Variants in RBCK1 observed in about 807,000 individuals in gnomAD.
RBCK1 encodes ranBP-type and C3HC4-type zinc finger-containing protein 1.
RBCK1 carries 44 observed loss-of-function variants against 71.1 expected under a neutral mutation model. The ratio of observed to expected loss-of-function variants is 0.62; its 90% CI spans 0.49 to 0.80. RBCK1 has a LOEUF of 0.80. RBCK1 is among the 30% of genes least tolerant of loss of function. RBCK1 has a pLI of 0.00. For missense variants in RBCK1, 569 were observed against 685.0 expected, an observed-to-expected ratio of 0.83 and a Z score of 1.89; for synonymous variants, 306 against 279.7, an observed-to-expected ratio of 1.09 and a Z score of -0.94.
At chr20:420,186 T>G in intron 6 of RBCK1, 1 of 985,134 alleles carries the variant, frequency 1.0e-6, no homozygotes, top group African/African-American at 1.7e-5. Flanking sequence ...CTCTTCCCTC[T>G]CGGGCTGGGC....
chr20:426,022 A>G (rs1384230083), intron 8 of RBCK1, among the ~76,000 whole-genome samples: 2 of 152,342 alleles, frequency 1.3e-5, no homozygotes, highest in Admixed American at 1.3e-4. Flanking sequence ...CGTTATTGCC[A>G]CATTGCTTTC....
Position 431,893 on chromosome 20 carries a change from G to A in RBCK1, c.*1463G>A, listed in dbSNP as rs560653126. On this transcript the variant is annotated 3_prime_UTR_variant, in exon 12 of 12. Coordinates refer to ENST00000356286, the MANE Select transcript of RBCK1 (RefSeq NM_031229.4). This position sits in a 1 kb window ranked among gnomAD's most constrained non-coding sequence, Gnocchi z 4.8. ...AGCAGAGGAGAGCCAGGCTGCAGGC[G>A]TGTGGATGGGACCAGCTCAGGCAGA... Among the ~76,000 whole-genome samples, 21 of 152,188 alleles carry A rather than the reference G, an allele frequency of 1.4e-4. No individual in the cohort carries two copies. Among genetic ancestry groups the A allele is most frequent in the Non-Finnish European group, 2.9e-4 (20 of 68,018 alleles).
At chr20:423,304 T>A (rs6115931) in intron 8 of RBCK1, among the ~76,000 whole-genome samples, 2,035 of 151,314 alleles carry the variant, frequency 0.013, 42 homozygotes, top group African/African-American at 0.046. Flanking sequence ...CGTCTGAAAA[T>A]ATATATATAT....
chr20:421,103 G>A, intron 7 of RBCK1, 72 bp downstream of exon 7: 1 of 1,454,820 alleles, frequency 6.9e-7, no homozygotes, highest in Non-Finnish European at 9.1e-7. Flanking sequence ...CTGGACGTGG[G>A]TGGGGCCCTG....
intron 2 of RBCK1, among the ~76,000 whole-genome samples, chr20:411,911 A>G (rs549551276): frequency 2.6e-5 from 4 of 152,250 alleles, no homozygotes; most frequent in South Asian, 4.2e-4. Flanking sequence ...GGGTGTTTCT[A>G]TTTTTTGGCT....
Position 430,463 on chromosome 20 carries a change from C to T in RBCK1, c.*33C>T. ...ATGGTGGGGCCACATGCTGACCCAG[C>T]CCCACATCCACATTCTGTTAGAATG... On this transcript the variant is annotated 3_prime_UTR_variant, in exon 12 of 12. Coordinates refer to ENST00000356286, the MANE Select transcript of RBCK1 (RefSeq NM_031229.4). The surrounding 1 kb of genome is among the most constrained non-coding windows in gnomAD (Gnocchi z 5.6). 6.4e-7 allele frequency: 1 copy of T among 1,558,308 alleles called. No homozygotes were observed. The highest frequency in any genetic ancestry group is 8.9e-7 in the Non-Finnish European group (1 of 1,129,450).
At position 428,352 on chromosome 20, in the gene RBCK1, C is replaced by T. The variant is rs188651695; in HGVS notation, c.1210-139C>T. On this transcript the variant is annotated intron_variant, in intron 9 of 11. Transcript: ENST00000356286. The surrounding 1 kb of genome is among the most constrained non-coding windows in gnomAD (Gnocchi z 5.7). ...ATCCTCTTCTGTAAAATGGCTTATG[C>T]ATTACAAAGTGAGGTCCTGCCAGTG... The T allele has an allele frequency of 3.3e-3, 1,868 of 563,894 alleles. 6 individuals carry two copies. Among genetic ancestry groups the T allele is most frequent in the Non-Finnish European group, 3.5e-3 (1,091 of 315,348 alleles). The allele number at this position is 563,894 out of a possible 1,614,324, so 34.9% of individuals were successfully genotyped here.
intron 6 of RBCK1, chr20:420,377 C>T (rs2016314348): frequency 2.0e-6 from 2 of 984,712 alleles, no homozygotes; most frequent in Middle Eastern, 5.2e-4. Context: ...CACCTGCATT[C>T]CCCTTGGACC....
rs2016802208 is a variant in RBCK1 at position 427,610 on chromosome 20, T to TA, written c.1209+119dup. ...TGACACTGGCCTGCTGGTCATGACT[T>TA]AGAGCTACATGTCAGTGGGAGAGTG... On this transcript the variant is annotated intron_variant, in intron 9 of 11. Transcript: ENST00000356286. 4 of 1,095,832 alleles carry TA rather than the reference T, an allele frequency of 3.7e-6. No homozygotes were observed. In the Admixed American group the frequency reaches 8.3e-5, roughly 23 times the overall value. 67.9% of individuals were successfully genotyped at this position (1,095,832 alleles called of 1,614,324 possible).
At position 417,827 on chromosome 20, in the gene RBCK1, G is replaced by A; in HGVS notation, c.357G>A (p.Val119=). Residue 119 remains valine (V), a synonymous_variant, in exon 4 of 12, where the codon GTG becomes GTA. Coordinates refer to ENST00000356286, the MANE Select transcript of RBCK1 (RefSeq NM_031229.4). The surrounding 1 kb of genome is among the most constrained non-coding windows in gnomAD (Gnocchi z 4.7). The part of the protein sequence containing the change: ...RDQETLHSHG[V]RQNGDSAYLY... ...AGGAGACCCTGCACTCCCATGGGGT[G>A]CGGCAGAATGGGGACAGTGCCTACC... 6.2e-7 allele frequency: 1 copy of A among 1,614,064 alleles called. No individual in the cohort carries two copies. The highest frequency in any genetic ancestry group is 1.1e-5 in the South Asian group (1 of 91,078).
intron 6 of RBCK1, chr20:420,416 G>T: frequency 3.0e-6 from 3 of 984,046 alleles, no homozygotes; most frequent in Non-Finnish European, 3.6e-6. Context: ...CCCCACTCCT[G>T]TTCCCGTCTC....
At position 409,992 on chromosome 20, in the gene RBCK1, T is replaced by C. The variant is rs1330503518; in HGVS notation, c.134T>C (p.Leu45Pro). 6.2e-7 allele frequency: 1 copy of C among 1,614,030 alleles called. No homozygotes were observed. The highest frequency in any genetic ancestry group is 2.2e-5 in the East Asian group (1 of 44,900). ...CAACGGGTGCCCCTGAGTGTGCAAC[T>C]GAAGCCTGAGGTCTCCCCAACGCAG... The part of the protein sequence containing the change: ...AEQRVPLSVQ[L>P]KPEVSPTQDI... Residue 45 changes from leucine (L) to proline (P), a missense_variant, in exon 2 of 12, where the codon CTG becomes CCG. Around this residue, in one of 2 missense-constraint regions of RBCK1, gnomAD observed 358 missense variants for 375.6 expected, o/e 0.95. Coordinates refer to ENST00000356286, the MANE Select transcript of RBCK1 (RefSeq NM_031229.4).
chr20:418,153 C>G (rs6051879), intron 4 of RBCK1, among the ~76,000 whole-genome samples: 13,426 of 152,234 alleles, frequency 0.088, 1,361 homozygotes, highest in African/African-American at 0.24. Context: ...GTCCAGGCTC[C>G]GGCATTCCCA....
Position 420,855 on chromosome 20 carries a change from CG to C in RBCK1, c.757-15del. 1.9e-6 allele frequency: 3 copies of C among 1,546,232 alleles called. No homozygotes were observed. The African/African-American group carries it at 4.2e-5, about 22-fold the overall frequency. On this transcript the variant is annotated splice_polypyrimidine_tract_variant and intron_variant, in intron 6 of 11. Coordinates refer to ENST00000356286, the MANE Select transcript of RBCK1 (RefSeq NM_031229.4). ...GAGGCCCTGACCCGCCCCGTGGCCC[CG>C]CCCCGTGTGCCCAGCGGAAGCAGCA...
chr20:424,521 C>T (rs1034914627), intron 8 of RBCK1, among the ~76,000 whole-genome samples: 1 of 150,968 alleles, frequency 6.6e-6, no homozygotes, highest in African/African-American at 2.5e-5. Flanking sequence ...GAGGTTCTGC[C>T]CCTGGGGAAA....
In RBCK1 at chr20:427,298, A is replaced by G; in HGVS notation, c.1030-15A>G. 1 of 1,613,180 alleles carries G rather than the reference A, an allele frequency of 6.2e-7. No homozygotes were observed. Among genetic ancestry groups the G allele is most frequent in the Non-Finnish European group, 8.5e-7 (1 of 1,179,508 alleles). On this transcript the variant is annotated splice_polypyrimidine_tract_variant and intron_variant, in intron 8 of 11. Coordinates refer to ENST00000356286, the MANE Select transcript of RBCK1 (RefSeq NM_031229.4). ...GTTCTGAATCCTGAGCAGCAAGGACATGGTGTGTTGGCAGCTCCTGACCCC... is the reference window on the plus strand; with the variant it reads ...GTTCTGAATCCTGAGCAGCAAGGACGTGGTGTGTTGGCAGCTCCTGACCCC...
chr20:431,395 G>A lies in RBCK1; in HGVS notation c.*965G>A, dbSNP rs766586383. Reference sequence around the variant, plus strand: ...GTCTCAAGCAAGATGGCACAGTATCGATTCAGCAGTATTTACTAGAACCCA... The same window carrying A: ...GTCTCAAGCAAGATGGCACAGTATCAATTCAGCAGTATTTACTAGAACCCA... On this transcript the variant is annotated 3_prime_UTR_variant, in exon 12 of 12. Coordinates refer to ENST00000356286, the MANE Select transcript of RBCK1 (RefSeq NM_031229.4). The surrounding 1 kb of genome is among the most constrained non-coding windows in gnomAD (Gnocchi z 4.8). Among the ~76,000 whole-genome samples, 2 of 152,260 alleles carry A rather than the reference G, an allele frequency of 1.3e-5. No homozygotes were observed. The highest frequency in any genetic ancestry group is 2.1e-4 in the South Asian group (1 of 4,820).
intron 9 of RBCK1, 30 bp downstream of exon 9, chr20:427,522 G>A (rs747748267): frequency 1.2e-6 from 2 of 1,609,850 alleles, no homozygotes; most frequent in Admixed American, 1.7e-5. Context: ...CCCCCACCTA[G>A]TCACTGTCAT....
intron 11 of RBCK1, among the ~76,000 whole-genome samples, chr20:429,542 T>G (rs2016915196): frequency 6.6e-6 from 1 of 152,200 alleles, no homozygotes; most frequent in South Asian, 2.1e-4. Context: ...CTTTACATCT[T>G]TAAATGGTTG....
Sources: gnomAD v4.1 joint callset for allele counts (sites outside exome capture counted in the v4.1 genomes callset) on GRCh38, gnomAD v4.1.1 for gene constraint, gnomAD v4.1.1 regional missense constraint, Gnocchi (gnomAD v3.1) non-coding constraint, MANE v1.5 for transcripts, NCBI Gene and HGNC (gene_info 2026-07-23, HGNC 2026-07-21) for gene names.